Variants in PRKG1 observed in about 807,000 individuals in gnomAD.
PRKG1 encodes the protein cGMP-dependent protein kinase 1.
A neutral mutation model predicts 88.1 loss-of-function variants in PRKG1; 35 were observed. The observed-to-expected ratio is 0.40, with a 90% CI of 0.30 to 0.53. PRKG1 has a LOEUF of 0.53. Ranked by LOEUF, PRKG1 falls within the 20% of genes least tolerant of loss-of-function variation. The pLI, the probability that PRKG1 is intolerant of heterozygous loss-of-function variation, is 0.59. For synonymous variants in PRKG1, 303 were observed against 292.5 expected (o/e 1.04, Z -0.37); for missense variants, 540 against 839.8 (o/e 0.64, Z 4.41).
intron 3 of PRKG1, among the ~76,000 whole-genome samples, chr10:51,535,386 A>G (rs1468335064): frequency 6.6e-6 from 1 of 152,184 alleles, no homozygotes; most frequent in African/African-American, 2.4e-5. Context: ...CAGGATCTTT[A>G]TATTTTACCA....
intron 3 of PRKG1, among the ~76,000 whole-genome samples, chr10:51,475,542 A>C (rs10823063): frequency 0.16 from 24,616 of 152,000 alleles, 2,475 homozygotes; most frequent in Non-Finnish European, 0.23. Flanking sequence ...CAGACACTAT[A>C]ATAAGTAGTC....
intron 2 of PRKG1, among the ~76,000 whole-genome samples, chr10:51,297,982 GA>G (rs1328761609): frequency 6.6e-6 from 1 of 152,040 alleles, no homozygotes; most frequent in East Asian, 1.9e-4. Flanking sequence ...TTTATATAAA[GA>G]GATGTATGTA....
intron 1 of PRKG1, among the ~76,000 whole-genome samples, chr10:51,144,956 A>C (rs1564616843): frequency 2.0e-5 from 3 of 152,216 alleles, no homozygotes; most frequent in Admixed American, 6.5e-5. Context: ...CTGTATTTTT[A>C]CTAGCTGTAT....
chr10:52,232,852 T>C (rs930908265), intron 9 of PRKG1, among the ~76,000 whole-genome samples: 4 of 152,190 alleles, frequency 2.6e-5, no homozygotes, highest in African/African-American at 9.7e-5. Flanking sequence ...TTTCCTGTTA[T>C]GATGAGGTCA....
intron 8 of PRKG1, among the ~76,000 whole-genome samples, chr10:52,157,041 A>G (rs1025818879): frequency 6.6e-6 from 1 of 151,494 alleles, no homozygotes; most frequent in Admixed American, 6.6e-5. Context: ...ACATTTCACT[A>G]TTAAATGTAA....
chr10:51,579,060 C>T (rs1017631587), intron 3 of PRKG1, among the ~76,000 whole-genome samples: 4 of 142,752 alleles, frequency 2.8e-5, no homozygotes, highest in Admixed American at 1.5e-4. Context: ...CAGCTCACTG[C>T]AACTTCTGCC....
chr10:51,319,942 C>T (rs1000102294), intron 2 of PRKG1: 15 of 214,054 alleles, frequency 7.0e-5, no homozygotes, highest in Non-Finnish European at 5.1e-5. Context: ...GCACATTTTC[C>T]TTATCCCATA....
chr10:51,145,769 A>G (rs1845931876), intron 1 of PRKG1, among the ~76,000 whole-genome samples: 2 of 152,186 alleles, frequency 1.3e-5, no homozygotes, highest in Non-Finnish European at 2.9e-5. Context: ...CTAACTAGTG[A>G]TTTCAAGAGC....
chr10:52,016,464 T>A (rs1415600688), intron 5 of PRKG1, among the ~76,000 whole-genome samples: 1 of 152,170 alleles, frequency 6.6e-6, no homozygotes, highest in African/African-American at 2.4e-5. Flanking sequence ...CATGTGGGGA[T>A]TACAATTTGA....
intron 7 of PRKG1, among the ~76,000 whole-genome samples, chr10:52,071,739 A>G (rs1299189099): frequency 6.6e-6 from 1 of 152,016 alleles, no homozygotes; most frequent in Admixed American, 6.6e-5. Flanking sequence ...TAGTGGACTG[A>G]GGGATTGATT....
chr10:51,913,781 A>G (rs938012225), intron 5 of PRKG1, among the ~76,000 whole-genome samples: 2 of 152,204 alleles, frequency 1.3e-5, no homozygotes, highest in Non-Finnish European at 2.9e-5. Flanking sequence ...AATAAATATT[A>G]GAGATTATTT....
chr10:51,843,908 G>T (rs1840339488), intron 4 of PRKG1, among the ~76,000 whole-genome samples: 1 of 152,044 alleles, frequency 6.6e-6, no homozygotes, highest in South Asian at 2.1e-4. Context: ...TGAGAGAAGT[G>T]ACTGAGTCAA....
At chr10:52,161,238 T>C (rs1838267853) in intron 8 of PRKG1, among the ~76,000 whole-genome samples, 1 of 152,104 alleles carries the variant, frequency 6.6e-6, no homozygotes, top group African/African-American at 2.4e-5. Context: ...TCCAGGTGCA[T>C]AGTAGGATAT....
intron 9 of PRKG1, among the ~76,000 whole-genome samples, chr10:52,193,849 A>T (rs756636880): frequency 1.3e-5 from 2 of 152,280 alleles, no homozygotes; most frequent in East Asian, 3.9e-4. Context: ...TTTAAAATGT[A>T]TGATTTTTAG....
At chr10:51,744,368 T>A (rs1316723165) in intron 3 of PRKG1, among the ~76,000 whole-genome samples, 2 of 152,134 alleles carry the variant, frequency 1.3e-5, no homozygotes, top group Non-Finnish European at 2.9e-5. Flanking sequence ...AGCCCTGTGC[T>A]ATAGTGATAG....
chr10:51,195,911 G>A (rs1837751885), intron 2 of PRKG1, among the ~76,000 whole-genome samples: 2 of 152,160 alleles, frequency 1.3e-5, no homozygotes, highest in South Asian at 2.1e-4. Context: ...GAGAGATACA[G>A]TGTTTGTGGA....
chr10:51,119,500 A>G (rs1414619622), intron 1 of PRKG1, among the ~76,000 whole-genome samples: 1 of 152,076 alleles, frequency 6.6e-6, no homozygotes, highest in Non-Finnish European at 1.5e-5. Context: ...AAGAAAAAAG[A>G]ATCATGCCTT....
chr10:51,924,065 G>A (rs1276002451), intron 5 of PRKG1, among the ~76,000 whole-genome samples: 1 of 151,994 alleles, frequency 6.6e-6, no homozygotes, highest in Non-Finnish European at 1.5e-5. Context: ...CTGGATGTAA[G>A]CAATCTTCCT....
At chr10:52,197,790 G>C (rs1839547778) in intron 9 of PRKG1, among the ~76,000 whole-genome samples, 1 of 152,174 alleles carries the variant, frequency 6.6e-6, no homozygotes, top group African/African-American at 2.4e-5. Context: ...ACTTTATGGA[G>C]ACTTAAGAAA....
Sources: allele counts gnomAD v4.1 joint callset (sites outside exome capture counted in the v4.1 genomes callset), GRCh38; gene constraint gnomAD v4.1.1; transcripts MANE v1.5; gene names NCBI Gene and HGNC (gene_info 2026-07-23, HGNC 2026-07-21).